Variants in NAA80 observed in about 807,000 individuals in gnomAD.
The protein encoded by NAA80 is N-alpha-acetyltransferase 80.
In NAA80, 5 loss-of-function variants were observed where a neutral mutation model predicts 8.7. That is an observed-to-expected ratio of 0.58 (90% CI 0.30 to 1.21). NAA80 has a LOEUF of 1.21. Among genes scored for constraint, NAA80 ranks in the 50% most tolerant of loss-of-function variants. The pLI, the probability that NAA80 is intolerant of heterozygous loss-of-function variation, is 0.07. For synonymous variants in NAA80, 149 were observed against 156.6 expected, an observed-to-expected ratio of 0.95 and a Z score of 0.36; for missense variants, 360 against 368.6, an observed-to-expected ratio of 0.98 and a Z score of 0.19.
chr3:50,299,329 G>T lies in NAA80; in HGVS notation c.-326C>A. 1 of 1,595,814 alleles carries T rather than the reference G, an allele frequency of 6.3e-7. No individual in the cohort carries two copies. Among genetic ancestry groups the T allele is most frequent in the Non-Finnish European group, 8.5e-7 (1 of 1,173,314 alleles). ...AACGTTGGCCCCCAGCGGTGCGGCG[G>T]ATGTTCTGCAGCCGTCGCGTCCTGC... On this transcript the variant is annotated 5_prime_UTR_variant, in exon 1 of 2. Transcript: ENST00000443094.
At chr3:50,299,118 G>T (rs1186370306) in intron 1 of NAA80, 95 bp downstream of exon 1, 14 of 1,611,922 alleles carry the variant, frequency 8.7e-6, no homozygotes, top group Non-Finnish European at 1.1e-5. Flanking sequence ...ACGAACGACT[G>T]ACGCGGGGAG....
chr3:50,297,399 AG>A lies in NAA80; in HGVS notation c.64del (p.Leu22CysfsTer11), dbSNP rs1377144680. ...TGGTTGGCATGTGGAATCCAGGGGC[AG>A]CTTTGGCTGGCACGCAGGATCCAGA... ...LTLDPACQPK[L>X]PLDSTCQPEM... On this transcript the variant is annotated frameshift_variant, in exon 2 of 2. Coordinates refer to ENST00000443094, the MANE Select transcript of NAA80 (RefSeq NM_001200016.2). LOFTEE classifies it high-confidence loss of function. This position sits in a 1 kb window ranked among gnomAD's most constrained non-coding sequence, Gnocchi z 4.3. The A allele has an allele frequency of 3.7e-6, 6 of 1,613,396 alleles. No homozygotes were observed. Among genetic ancestry groups the A allele is most frequent in the Non-Finnish European group, 5.1e-6 (6 of 1,179,762 alleles).
intron 1 of NAA80, 88 bp downstream of exon 1, chr3:50,299,125 G>C: frequency 6.2e-7 from 1 of 1,612,766 alleles, no homozygotes; most frequent in South Asian, 1.1e-5. Context: ...ACTGACGCGG[G>C]GAGGGCGTGC....
rs1257378627 is a variant in NAA80 at position 50,299,368 on chromosome 3, G to T, written c.-365C>A. Reference sequence around the variant, plus strand: ...GTCGCGTCCTGCGGCACGCCACGGCGTTCTAAGGCCTCCCAGCACCCGCGC... The same window carrying T: ...GTCGCGTCCTGCGGCACGCCACGGCTTTCTAAGGCCTCCCAGCACCCGCGC... On this transcript the variant is annotated 5_prime_UTR_variant, in exon 1 of 2. Coordinates refer to ENST00000443094, the MANE Select transcript of NAA80 (RefSeq NM_001200016.2). 4 of 1,512,832 alleles carry T rather than the reference G, an allele frequency of 2.6e-6. No homozygotes were observed. The highest frequency in any genetic ancestry group is 4.9e-5 in the East Asian group (2 of 40,808). The allele number at this position is 1,512,832 out of a possible 1,614,324, so 93.7% of individuals were successfully genotyped here. A position where few individuals can be genotyped will look rare whatever the true frequency, so the allele number is the denominator to read the frequency against.
chr3:50,296,880 T>C lies in NAA80; in HGVS notation c.584A>G (p.Gln195Arg), dbSNP rs1553711292. 5 of 1,605,664 alleles carry C rather than the reference T, an allele frequency of 3.1e-6. No individual in the cohort carries two copies. Among genetic ancestry groups the C allele is most frequent in the Middle Eastern group, 1.7e-4 (1 of 5,856 alleles). ...CCGTCTGCTGGTGAAGACCAGGCCC[T>C]GCACAGGCTCACCCAGCTGGTAGCC... ...HLGYQLGEPV[Q>R]GLVFTSRRLP... Residue 195 changes from glutamine (Q) to arginine (R), a missense_variant, in exon 2 of 2, where the codon CAG becomes CGG. Gln to Arg is a conservative substitution (Grantham distance 43). Coordinates refer to ENST00000443094, the MANE Select transcript of NAA80 (RefSeq NM_001200016.2).
In NAA80 at chr3:50,296,728, G is replaced by C. The variant is rs1165788790; in HGVS notation, c.736C>G (p.Pro246Ala). ...GAGATGGTCAGGCACTCAGGTAGGG[G>C]AGGGGGTGGTGGCAATGGAGGTCCC... is the stretch of plus-strand genomic sequence containing the variant. The part of the protein sequence containing the change: ...PKGPPLPPPP[P>A]LPECLTISPP... The change falls in exon 2 of 2, where the codon CCC becomes GCC. Residue 246 changes from proline (P) to alanine (A), a missense_variant. Physicochemically the swap from Pro to Ala is conservative, Grantham distance 27 (BLOSUM62 -1). Transcript: ENST00000443094. 1 of 1,612,384 alleles carries C rather than the reference G, an allele frequency of 6.2e-7. No homozygotes were observed. Among genetic ancestry groups the C allele is most frequent in the African/African-American group, 1.3e-5 (1 of 74,872 alleles).
Position 50,297,246 on chromosome 3 carries a change from T to C in NAA80, c.218A>G (p.Asp73Gly), listed in dbSNP as rs1201456905. The C allele has an allele frequency of 1.9e-5, 30 of 1,611,344 alleles. No homozygotes were observed. Among genetic ancestry groups the C allele is most frequent in the Non-Finnish European group, 2.3e-5 (27 of 1,178,300 alleles). ...EPVHRRPELLDACADLINDQW... is the reference protein window; with the variant it reads ...EPVHRRPELLGACADLINDQW... ...ATCATTGATGAGGTCAGCACAAGCATCCAGGAGCTCGGGTCGGCGGTGCAC... is the reference window on the plus strand; with the variant it reads ...ATCATTGATGAGGTCAGCACAAGCACCCAGGAGCTCGGGTCGGCGGTGCAC... Residue 73 changes from aspartate (D) to glycine (G), a missense_variant, in exon 2 of 2, where the codon GAT becomes GGT. By Grantham distance (94) the Asp-to-Gly change is moderately conservative. Transcript: ENST00000443094. This position sits in a 1 kb window ranked among gnomAD's most constrained non-coding sequence, Gnocchi z 4.3.
chr3:50,297,531 T>C lies in NAA80; in HGVS notation c.-68A>G, dbSNP rs376755477. ...AGGGCTCAGAGTCAGCTCTTGCCTA[T>C]GCACAGGATCCAGGTTCAGCTGAGT... On this transcript the variant is annotated 5_prime_UTR_variant, in exon 2 of 2. Coordinates refer to ENST00000443094, the MANE Select transcript of NAA80 (RefSeq NM_001200016.2). The surrounding 1 kb of genome is among the most constrained non-coding windows in gnomAD (Gnocchi z 4.3). The C allele has an allele frequency of 1.2e-4, 186 of 1,516,534 alleles. No homozygotes were observed. Among genetic ancestry groups the C allele is most frequent in the Non-Finnish European group, 1.6e-4 (182 of 1,130,094 alleles). 93.9% of individuals were successfully genotyped at this position (1,516,534 alleles called of 1,614,324 possible).
rs782575281 is a variant in NAA80 at position 50,297,411 on chromosome 3, C to T, written c.53G>A (p.Cys18Tyr). The change falls in exon 2 of 2, where the codon TGC (cysteine) becomes TAC (tyrosine). Residue 18 changes from cysteine (C) to tyrosine (Y), a missense_variant. Physicochemically the swap from Cys to Tyr is radical, Grantham distance 194 (BLOSUM62 -2). Transcript: ENST00000443094. The surrounding 1 kb of genome is among the most constrained non-coding windows in gnomAD (Gnocchi z 4.3). Reference protein sequence around the residue: ...SPAELTLDPACQPKLPLDSTC... With the variant: ...SPAELTLDPAYQPKLPLDSTC... ...GGAATCCAGGGGCAGCTTTGGCTGG[C>T]ACGCAGGATCCAGAGTCAGCTCAGC... is the stretch of plus-strand genomic sequence containing the variant. 3 of 1,613,248 alleles carry T rather than the reference C, an allele frequency of 1.9e-6. No homozygotes were observed. In the South Asian group the frequency reaches 3.3e-5, roughly 18 times the overall value.
chr3:50,297,218 CTGATCATTGATGAGG>C lies in NAA80; in HGVS notation c.231_245del (p.Asp77_Gln82delinsGlu). 1.2e-6 allele frequency: 2 copies of C among 1,612,948 alleles called. No individual in the cohort carries two copies. Among genetic ancestry groups the C allele is most frequent in the Non-Finnish European group, 1.7e-6 (2 of 1,179,386 alleles). On this transcript the variant is annotated inframe_deletion, in exon 2 of 2. Coordinates refer to ENST00000443094, the MANE Select transcript of NAA80 (RefSeq NM_001200016.2). This position sits in a 1 kb window ranked among gnomAD's most constrained non-coding sequence, Gnocchi z 4.3. ...GGCGGGAGGTGCGGCTGCGGGGCCA[CTGATCATTGATGAGG>C]TCAGCACAAGCATCCAGGAGCTCGG... is the stretch of plus-strand genomic sequence containing the variant.
In NAA80 at chr3:50,297,537, G is replaced by T; in HGVS notation, c.-74C>A. ...CAGAGTCAGCTCTTGCCTATGCACA[G>T]GATCCAGGTTCAGCTGAGTCAGGCT... On this transcript the variant is annotated 5_prime_UTR_variant, in exon 2 of 2. In the 5' UTR this introduces an upstream ATG that the reference lacks. Coordinates refer to ENST00000443094, the MANE Select transcript of NAA80 (RefSeq NM_001200016.2). This position sits in a 1 kb window ranked among gnomAD's most constrained non-coding sequence, Gnocchi z 4.3. 1 of 1,512,276 alleles carries T rather than the reference G, an allele frequency of 6.6e-7. No homozygotes were observed. The highest frequency in any genetic ancestry group is 8.9e-7 in the Non-Finnish European group (1 of 1,128,146). The allele number at this position is 1,512,276 out of a possible 1,614,324, so 93.7% of individuals were successfully genotyped here. A position where few individuals can be genotyped will look rare whatever the true frequency, so the allele number is the denominator to read the frequency against.
Position 50,299,316 on chromosome 3 carries a change from C to T in NAA80, c.-313G>A. On this transcript the variant is annotated 5_prime_UTR_variant, in exon 1 of 2. Transcript: ENST00000443094. ...TCCTCGGTCCGACAACGTTGGCCCC[C>T]AGCGGTGCGGCGGATGTTCTGCAGC... The T allele has an allele frequency of 1.9e-6, 3 of 1,604,980 alleles. No individual in the cohort carries two copies. Among genetic ancestry groups the T allele is most frequent in the South Asian group, 1.1e-5 (1 of 90,550 alleles).
Position 50,297,818 on chromosome 3 carries a change from G to A in NAA80, c.-209-146C>T. 1 of 1,144,448 alleles carries A rather than the reference G, an allele frequency of 8.7e-7. No individual in the cohort carries two copies. The highest frequency in any genetic ancestry group is 1.1e-6 in the Non-Finnish European group (1 of 931,284). The allele number at this position is 1,144,448 out of a possible 1,614,324, so 70.9% of individuals were successfully genotyped here. On this transcript the variant is annotated intron_variant, in intron 1 of 1. Transcript: ENST00000443094. This position sits in a 1 kb window ranked among gnomAD's most constrained non-coding sequence, Gnocchi z 4.3. ...TGTCCCACACTCACCTGATAGCACA[G>A]GTGACCTGGAAGAGACCCATCCCCT...
chr3:50,297,253 G>T lies in NAA80; in HGVS notation c.211C>A (p.Leu71Ile), dbSNP rs1452464593. The T allele has an allele frequency of 6.2e-7, 1 of 1,610,730 alleles. No individual in the cohort carries two copies. The highest frequency in any genetic ancestry group is 1.3e-5 in the African/African-American group (1 of 74,872). ...TLEPVHRRPE[L>I]LDACADLIND... ...ATGAGGTCAGCACAAGCATCCAGGA[G>T]CTCGGGTCGGCGGTGCACAGGCTCC... is the stretch of plus-strand genomic sequence containing the variant. The change falls in exon 2 of 2, where the codon CTC becomes ATC. Residue 71 changes from leucine to isoleucine, a missense_variant. By Grantham distance (5) the Leu-to-Ile change is conservative (BLOSUM62 2). Coordinates refer to ENST00000443094, the MANE Select transcript of NAA80 (RefSeq NM_001200016.2). The surrounding 1 kb of genome is among the most constrained non-coding windows in gnomAD (Gnocchi z 4.3).
chr3:50,299,164 C>G (rs1553711875), intron 1 of NAA80, 49 bp downstream of exon 1: 1 of 1,613,826 alleles, frequency 6.2e-7, no homozygotes, highest in East Asian at 2.2e-5. Context: ...GGGGACCGCA[C>G]GCGCGGGGTG....
At position 50,297,975 on chromosome 3, in the gene NAA80, C is replaced by G; in HGVS notation, c.-209-303G>C. ...AGCCTGCTCTGGCTACAAATTTGTC[C>G]TCCTCAGGACCTCCCCTCACAGGGG... On this transcript the variant is annotated intron_variant, in intron 1 of 1. Transcript: ENST00000443094. This position sits in a 1 kb window ranked among gnomAD's most constrained non-coding sequence, Gnocchi z 4.3. 1.0e-6 allele frequency: 1 copy of G among 987,796 alleles called. No homozygotes were observed. The highest frequency in any genetic ancestry group is 1.2e-6 in the Non-Finnish European group (1 of 831,692). 61.2% of individuals were successfully genotyped at this position (987,796 alleles called of 1,614,324 possible).
rs1293281372 is a variant in NAA80 at position 50,297,705 on chromosome 3, G to C, written c.-209-33C>G. The C allele has an allele frequency of 3.7e-6, 5 of 1,366,712 alleles. No homozygotes were observed. The African/African-American group carries it at 7.4e-5, about 20-fold the overall frequency. The allele number at this position is 1,366,712 out of a possible 1,614,324, so 84.7% of individuals were successfully genotyped here. A position where few individuals can be genotyped will look rare whatever the true frequency, so the allele number is the denominator to read the frequency against. On this transcript the variant is annotated intron_variant, in intron 1 of 1. Transcript: ENST00000443094. The surrounding 1 kb of genome is among the most constrained non-coding windows in gnomAD (Gnocchi z 4.3). ...TAACAGCCATGCTGGGCTGTGCCAGGAGGGAGGGTGGGGTTGGAGCAGGGA... is the reference window on the plus strand; with the variant it reads ...TAACAGCCATGCTGGGCTGTGCCAGCAGGGAGGGTGGGGTTGGAGCAGGGA...
At chr3:50,298,543 G>C (rs1701962042) in intron 1 of NAA80, among the ~76,000 whole-genome samples, 1 of 151,280 alleles carries the variant, frequency 6.6e-6, no homozygotes, top group Admixed American at 6.6e-5. Context: ...TATCCACAGG[G>C]TGTCCAACGG....
chr3:50,297,961 G>C lies in NAA80; in HGVS notation c.-209-289C>G. On this transcript the variant is annotated intron_variant, in intron 1 of 1. Coordinates refer to ENST00000443094, the MANE Select transcript of NAA80 (RefSeq NM_001200016.2). This position sits in a 1 kb window ranked among gnomAD's most constrained non-coding sequence, Gnocchi z 4.3. ...GGAGTCCTGGCCCCAGCCTGCTCTG[G>C]CTACAAATTTGTCCTCCTCAGGACC... 1.0e-6 allele frequency: 1 copy of C among 988,734 alleles called. No individual in the cohort carries two copies. Among genetic ancestry groups the C allele is most frequent in the Non-Finnish European group, 1.2e-6 (1 of 832,442 alleles). The allele number at this position is 988,734 out of a possible 1,614,324, so 61.2% of individuals were successfully genotyped here.
Sources: gnomAD v4.1 joint callset for allele counts (sites outside exome capture counted in the v4.1 genomes callset) on GRCh38, gnomAD v4.1.1 for gene constraint, Gnocchi (gnomAD v3.1) non-coding constraint, MANE v1.5 for transcripts, NCBI Gene and HGNC (gene_info 2026-07-23, HGNC 2026-07-21) for gene names.